Variants in PKHD1 observed in about 807,000 individuals in gnomAD.
The protein encoded by PKHD1 is fibrocystin.
A neutral mutation model predicts 412.0 loss-of-function variants in PKHD1; 291 were observed. The ratio of observed to expected loss-of-function variants is 0.71; its 90% confidence interval spans 0.64 to 0.78. The LOEUF is 0.78. Among genes scored for constraint, PKHD1 ranks in the 30% least tolerant of loss-of-function variants. PKHD1 has a pLI of 0.00. For missense variants in PKHD1, 4,825 were observed against 4,950.7 expected, an observed-to-expected ratio of 0.97 and a Z score of 0.76; for synonymous variants, 1,777 against 1,821.5, an observed-to-expected ratio of 0.98 and a Z score of 0.62.
chr6:51,822,019 T>C (rs1376298682), intron 52 of PKHD1, among the ~76,000 whole-genome samples: 1 of 152,184 alleles, frequency 6.6e-6, no homozygotes, highest in Non-Finnish European at 1.5e-5. Context: ...TAACCTATTC[T>C]ATTTTCCAAA....
chr6:51,924,085 T>C (rs1484706705), intron 37 of PKHD1, among the ~76,000 whole-genome samples: 1 of 152,092 alleles, frequency 6.6e-6, no homozygotes, highest in Non-Finnish European at 1.5e-5. Context: ...CTAGGTAAAA[T>C]CCAATTTTGA....
chr6:51,869,174 A>T (rs1775554451), intron 47 of PKHD1, among the ~76,000 whole-genome samples: 1 of 152,154 alleles, frequency 6.6e-6, no homozygotes, highest in African/African-American at 2.4e-5. Context: ...AACCACCTGC[A>T]GCTCTACATT....
At chr6:51,821,251 T>C (rs1348472823) in intron 52 of PKHD1, among the ~76,000 whole-genome samples, 2 of 152,182 alleles carry the variant, frequency 1.3e-5, no homozygotes, top group African/African-American at 4.8e-5. Context: ...GCAGTGCAAA[T>C]CATAGAATAT....
At chr6:51,689,617 T>C (rs904609544) in intron 60 of PKHD1, among the ~76,000 whole-genome samples, 1 of 152,226 alleles carries the variant, frequency 6.6e-6, no homozygotes, top group Admixed American at 6.5e-5. Flanking sequence ...GCCCAAAAGC[T>C]TCTTAAGCTG....
intron 53 of PKHD1, among the ~76,000 whole-genome samples, chr6:51,783,522 C>CA: frequency 6.6e-6 from 1 of 151,328 alleles, no homozygotes; most frequent in Admixed American, 6.6e-5. Flanking sequence ...AATATTAAAA[C>CA]AGTCTTTATT....
At chr6:51,919,175 T>C (rs975529374) in intron 37 of PKHD1, among the ~76,000 whole-genome samples, 2 of 152,262 alleles carry the variant, frequency 1.3e-5, no homozygotes, top group African/African-American at 4.8e-5. Flanking sequence ...GCCATTGCTT[T>C]TGATGTTTTA....
intron 66 of PKHD1, among the ~76,000 whole-genome samples, chr6:51,623,671 C>T (rs1455192540): frequency 6.6e-6 from 1 of 152,156 alleles, no homozygotes; most frequent in Admixed American, 6.5e-5. Flanking sequence ...GCGCCCTCCA[C>T]CTCCTGGTTT....
At chr6:51,945,982 T>C (rs1049976942) in intron 36 of PKHD1, among the ~76,000 whole-genome samples, 3 of 152,242 alleles carry the variant, frequency 2.0e-5, no homozygotes, top group South Asian at 4.1e-4. Context: ...TTATACATGA[T>C]TTATTTTAAT....
At chr6:52,068,767 A>C (rs957516973) in intron 11 of PKHD1, among the ~76,000 whole-genome samples, 1 of 152,242 alleles carries the variant, frequency 6.6e-6, no homozygotes, top group Non-Finnish European at 1.5e-5. Flanking sequence ...AGGAAAAATC[A>C]GGGTCAAAAT....
intron 35 of PKHD1, among the ~76,000 whole-genome samples, chr6:52,004,217 G>T (rs931033306): frequency 6.6e-6 from 1 of 151,880 alleles, no homozygotes; most frequent in Non-Finnish European, 1.5e-5. Context: ...AGTTTGGATA[G>T]CTTTGATTGT....
rs1799659239 is a variant in PKHD1, at chr6:52,010,428, A to C, written c.5632T>G (p.Tyr1878Asp). 6.2e-7 allele frequency: 1 copy of C among 1,608,298 alleles called. No individual in the cohort carries two copies. The highest frequency in any genetic ancestry group is 8.5e-7 in the Non-Finnish European group (1 of 1,174,788). ...ATGGTAATGTTACAGGAGCTATTAT[A>C]GATGAGAACTTCATCTCTTTCCAAT... Reference protein sequence around the residue: ...PKLERDEVLIYNSSCNITMET... With the variant: ...PKLERDEVLIDNSSCNITMET... Residue 1878 changes from tyrosine to aspartate, a missense_variant, in exon 35 of 67, where the codon TAT (tyrosine) becomes GAT (aspartate). Physicochemically the swap from Tyr to Asp is radical, Grantham distance 160. Coordinates refer to ENST00000371117, the MANE Select transcript of PKHD1 (RefSeq NM_138694.4).
chr6:51,644,184 C>T (rs1769770082), intron 63 of PKHD1, among the ~76,000 whole-genome samples: 1 of 151,548 alleles, frequency 6.6e-6, no homozygotes, highest in Non-Finnish European at 1.5e-5. Flanking sequence ...AATGTATAAG[C>T]TAAATTAAAT....
intron 60 of PKHD1, among the ~76,000 whole-genome samples, chr6:51,679,614 A>C (rs1408469414): frequency 6.6e-6 from 1 of 151,996 alleles, no homozygotes; most frequent in Non-Finnish European, 1.5e-5. Flanking sequence ...CATGCATGGG[A>C]ACTCAGGTAG....
chr6:52,079,921 T>C lies in PKHD1; in HGVS notation c.369A>G (p.Pro123=). The change falls in exon 5 of 67, where the codon CCA becomes CCG. Residue 123 remains proline (P), a synonymous_variant. Transcript: ENST00000371117. Reference sequence around the variant, plus strand: ...CCACCTTGAAAGTACAGCTATCTCGTGGTCCTGGATTTGGACTGCTTACCA... The same window carrying C: ...CCACCTTGAAAGTACAGCTATCTCGCGGTCCTGGATTTGGACTGCTTACCA... ...GQLVSSPNPG[P]RDSCTFKFSK... 6.3e-7 allele frequency: 1 copy of C among 1,598,644 alleles called. No individual in the cohort carries two copies. Among genetic ancestry groups the C allele is most frequent in the South Asian group, 1.1e-5 (1 of 90,766 alleles).
intron 22 of PKHD1, among the ~76,000 whole-genome samples, chr6:52,049,764 T>C (rs1474402525): frequency 6.6e-6 from 1 of 152,148 alleles, no homozygotes; most frequent in Non-Finnish European, 1.5e-5. Context: ...GATTAACACA[T>C]GAGGAATGCA....
intron 33 of PKHD1, among the ~76,000 whole-genome samples, chr6:52,019,054 A>C (rs1479550033): frequency 6.6e-6 from 1 of 152,224 alleles, no homozygotes; most frequent in Non-Finnish European, 1.5e-5. Flanking sequence ...CACATATAAA[A>C]AGCATCATGA....
intron 53 of PKHD1, among the ~76,000 whole-genome samples, chr6:51,787,619 C>T (rs1793096159): frequency 6.6e-6 from 1 of 152,110 alleles, no homozygotes; most frequent in South Asian, 2.1e-4. Context: ...TTCCAATAAC[C>T]TACCTTTAGG....
intron 60 of PKHD1, among the ~76,000 whole-genome samples, chr6:51,743,944 G>T (rs1784878181): frequency 6.6e-6 from 1 of 152,136 alleles, no homozygotes; most frequent in Non-Finnish European, 1.5e-5. Flanking sequence ...GGAGAAAAGG[G>T]AGACAAAACA....
At chr6:51,795,199 C>T (rs1794409884) in intron 52 of PKHD1, among the ~76,000 whole-genome samples, 1 of 152,106 alleles carries the variant, frequency 6.6e-6, no homozygotes, top group South Asian at 2.1e-4. Flanking sequence ...TCTCTGATTT[C>T]TTTGAGCAGT....
Sources: gnomAD v4.1 joint callset for allele counts (sites outside exome capture counted in the v4.1 genomes callset) on GRCh38, gnomAD v4.1.1 for gene constraint, MANE v1.5 for transcripts, NCBI Gene and HGNC (gene_info 2026-07-23, HGNC 2026-07-21) for gene names.